The following CCDC187 variants were observed in gnomAD, a reference collection of about 807,000 sequenced individuals.
CCDC187 encodes the protein coiled-coil domain-containing protein 187.
CCDC187 carries 32 observed loss-of-function variants against 38.0 expected under a neutral mutation model. That is an observed-to-expected ratio of 0.84 (90% CI 0.64 to 1.13). CCDC187 has a LOEUF of 1.13. Among genes scored for constraint, CCDC187 ranks in the 50% most tolerant of loss-of-function variants. The probability of loss-of-function intolerance (pLI) is 0.00; values close to 1 mark genes in which losing one functional copy is unlikely to be tolerated. For synonymous variants in CCDC187, 333 were observed against 347.9 expected (o/e 0.96, Z 0.48); for missense variants, 707 against 786.8 (o/e 0.90, Z 1.21).
At chr9:136,263,133 G>T (rs1398803287) in intron 18 of CCDC187, among the ~76,000 whole-genome samples, 1 of 151,116 alleles carries the variant, frequency 6.6e-6, no homozygotes, top group Non-Finnish European at 1.5e-5. Flanking sequence ...GCCTGGCCAG[G>T]ACCACCCCAT....
At chr9:136,255,570 A>C (rs1830601578) in intron 25 of CCDC187, 87 bp downstream of exon 25, 2 of 533,560 alleles carry the variant, frequency 3.7e-6, no homozygotes, top group Non-Finnish European at 4.8e-6. Flanking sequence ...TATTGTGGGG[A>C]GAAGCTGGCT....
In CCDC187 at chr9:136,263,687, G is replaced by A; in HGVS notation, c.3847C>T (p.Pro1283Ser). The change falls in exon 18 of 26, where the codon CCC becomes TCC. Residue 1283 changes from proline to serine, a missense_variant. Pro to Ser is a moderately conservative substitution (Grantham distance 74). Transcript: ENST00000638797. ...ACGACGTCCGTGGGCCCCGGGATGG[G>A]GAGGATGTCCACAGGCCCCGGCATG... ...VSMPGPVDILPIPGPTDVVPA... is the reference protein window; with the variant it reads ...VSMPGPVDILSIPGPTDVVPA... 1.0e-6 allele frequency: 1 copy of A among 985,446 alleles called. No homozygotes were observed. The highest frequency in any genetic ancestry group is 1.2e-6 in the Non-Finnish European group (1 of 829,920). The allele number at this position is 985,446 out of a possible 1,614,324, so 61.0% of individuals were successfully genotyped here.
At position 136,264,448 on chromosome 9, in the gene CCDC187, C is replaced by T. The variant is rs782510047; in HGVS notation, c.3736-650G>A. Among the ~76,000 whole-genome samples, 16 of 152,186 alleles carry T rather than the reference C, an allele frequency of 1.1e-4. No individual in the cohort carries two copies. Among genetic ancestry groups the T allele is most frequent in the South Asian group, 6.2e-4 (3 of 4,824 alleles). On this transcript the variant is annotated intron_variant, in intron 17 of 25. Transcript: ENST00000638797. The surrounding 1 kb of genome is among the most constrained non-coding windows in gnomAD (Gnocchi z 4.3). ...GGGCAGCGCCTGTTCTGCCAGGCCC[C>T]GTCGTTGCCATGTGACATGCAGACC...
Position 136,259,302 on chromosome 9 carries a change from G to A in CCDC187, c.4296+61C>T, listed in dbSNP as rs72775715. 319 of 539,720 alleles carry A rather than the reference G, an allele frequency of 5.9e-4. 6 individuals are homozygous for A. The highest frequency in any genetic ancestry group is 6.3e-4 in the Non-Finnish European group (271 of 429,016). The allele number at this position is 539,720 out of a possible 1,614,324, so 33.4% of individuals were successfully genotyped here. ...CAAGTCACAGATTGGCAGAATGTTG[G>A]GGGGGGGTGGTCCCTGAAACAGGCG... is the stretch of plus-strand genomic sequence containing the variant. On this transcript the variant is annotated intron_variant, in intron 21 of 25. Coordinates refer to ENST00000638797, the MANE Select transcript of CCDC187 (RefSeq NM_001378188.1).
rs1360353111 is a variant in CCDC187 at position 136,267,704 on chromosome 9, G to C, written c.3520-193C>G. On this transcript the variant is annotated intron_variant, in intron 15 of 25. Transcript: ENST00000638797. ...CTATGCCGCCCTCGCTTCCCCGACTGTGAGCTGGCGGGGCAGGCAGGATCT... is the reference window on the plus strand; with the variant it reads ...CTATGCCGCCCTCGCTTCCCCGACTCTGAGCTGGCGGGGCAGGCAGGATCT... The C allele has an allele frequency of 3.3e-6, 3 of 909,788 alleles. No homozygotes were observed. In the East Asian group the frequency reaches 3.6e-4, roughly 108 times the overall value. The allele number at this position is 909,788 out of a possible 1,614,324, so 56.4% of individuals were successfully genotyped here. A position where few individuals can be genotyped will look rare whatever the true frequency, so the allele number is the denominator to read the frequency against.
At chr9:136,306,658 C>T (rs1361021657), upstream of CCDC187, among the ~76,000 whole-genome samples, 5 of 152,172 alleles carry the variant, frequency 3.3e-5, no homozygotes, top group African/African-American at 1.2e-4. Flanking sequence ...GTCAGAAGGC[C>T]GGGCGTGCCA....
intron 15 of CCDC187, 51 bp from the exon 16 acceptor site, chr9:136,267,562 C>T (rs952625136): frequency 6.1e-6 from 6 of 985,450 alleles, no homozygotes; most frequent in South Asian, 4.7e-5. Flanking sequence ...TCGGTGCTTC[C>T]GGGCCTCGCG....
At chr9:136,292,447 G>C in intron 4 of CCDC187, among the ~76,000 whole-genome samples, 152 bp from the exon 5 acceptor site, 1 of 152,330 alleles carries the variant, frequency 6.6e-6, no homozygotes, top group East Asian at 1.9e-4. Context: ...CCAGGCCCCT[G>C]TTGGGCAGAG....
intron 14 of CCDC187, among the ~76,000 whole-genome samples, chr9:136,272,705 GAAAAAA>G (rs77179967): frequency 1.5e-5 from 2 of 132,472 alleles, no homozygotes; most frequent in African/African-American, 5.4e-5. Context: ...TCTGTCTCAA[GAAAAAA>G]AAAAAAACAA....
chr9:136,296,857 C>T (rs917856662), intron 4 of CCDC187, among the ~76,000 whole-genome samples: 1 of 152,174 alleles, frequency 6.6e-6, no homozygotes, highest in African/African-American at 2.4e-5. Context: ...ACTGGACTCT[C>T]CGGGAAACAC....
rs1831278253 is a variant in CCDC187, at chr9:136,290,002, CTT to C, written c.2177_2178del (p.Lys726SerfsTer28). On this transcript the variant is annotated frameshift_variant, in exon 7 of 26. Coordinates refer to ENST00000638797, the MANE Select transcript of CCDC187 (RefSeq NM_001378188.1). LOFTEE classifies it high-confidence loss of function. ...CCCCCCAGCACCATGCCAGAGGTCA[CTT>C]TGCTCCATTCCAGCACTGGGGACTC... ...SLESPVLEWSKVTSGMVLGGQ... is the reference protein window; with the variant it reads ...SLESPVLEWSXVTSGMVLGGQ... The C allele has an allele frequency of 2.5e-6, 1 of 398,568 alleles. No individual in the cohort carries two copies. Among genetic ancestry groups the C allele is most frequent in the Non-Finnish European group, 4.4e-6 (1 of 226,148 alleles). The allele number at this position is 398,568 out of a possible 1,614,324, so 24.7% of individuals were successfully genotyped here. A position where few individuals can be genotyped will look rare whatever the true frequency, so the allele number is the denominator to read the frequency against.
In CCDC187 at chr9:136,279,821, C is replaced by T. The variant is rs957314855; in HGVS notation, c.3040+1730G>A. ...ATGAGGCGGCAATTCAGCCACAAGG[C>T]GATTCAGCCATGAGGGTTCCACCCT... is the stretch of plus-strand genomic sequence containing the variant. On this transcript the variant is annotated intron_variant, in intron 10 of 25. Coordinates refer to ENST00000638797, the MANE Select transcript of CCDC187 (RefSeq NM_001378188.1). 3.9e-3 allele frequency among the ~76,000 whole-genome samples: 592 copies of T among 152,354 alleles called. 13 individuals are homozygous for T. Among genetic ancestry groups the T allele is most frequent in the Admixed American group, 0.027 (412 of 15,306 alleles).
chr9:136,268,722 T>C (rs1830790186), intron 14 of CCDC187, among the ~76,000 whole-genome samples: 1 of 152,240 alleles, frequency 6.6e-6, no homozygotes, highest in Non-Finnish European at 1.5e-5. Flanking sequence ...TATAGAGATA[T>C]GTGTGTGTAT....
intron 2 of CCDC187, among the ~76,000 whole-genome samples, chr9:136,301,108 A>G (rs1564329044): frequency 6.6e-6 from 1 of 152,282 alleles, no homozygotes; most frequent in East Asian, 1.9e-4. Flanking sequence ...ACCACGTAGC[A>G]CCAGGAAGGA....
Position 136,291,620 on chromosome 9 carries a change from G to A in CCDC187, c.993C>T (p.Ala331=). The A allele has an allele frequency of 2.5e-6, 1 of 398,818 alleles. No individual in the cohort carries two copies. The highest frequency in any genetic ancestry group is 4.4e-6 in the Non-Finnish European group (1 of 226,160). The allele number at this position is 398,818 out of a possible 1,614,324, so 24.7% of individuals were successfully genotyped here. A position where few individuals can be genotyped will look rare whatever the true frequency, so the allele number is the denominator to read the frequency against. Residue 331 remains alanine (A), a synonymous_variant, in exon 6 of 26, where the codon GCC becomes GCT. Transcript: ENST00000638797. ...ACTGGGCACAAACCGGTGAGCACTT[G>A]GCAGCTATGACTTTCTCGCTGTCTC... ...DLGDSEKVIA[A]KCSPVCAQLP...
In CCDC187 at chr9:136,285,580, C is replaced by T. The variant is rs1831159584; in HGVS notation, c.2860G>A (p.Val954Met). Residue 954 changes from valine to methionine, a missense_variant, in exon 9 of 26, where the codon GTG becomes ATG. Transcript: ENST00000638797. ...RGFPEEGHVDVKPDKRLQRGV... is the reference protein window; with the variant it reads ...RGFPEEGHVDMKPDKRLQRGV... ...CTCTGCAGCCTTTTGTCTGGTTTCACGTCCACGTGTCCCTCCTCTGGAAAA... is the reference window on the plus strand; with the variant it reads ...CTCTGCAGCCTTTTGTCTGGTTTCATGTCCACGTGTCCCTCCTCTGGAAAA... 5.0e-6 allele frequency: 2 copies of T among 400,616 alleles called. No individual in the cohort carries two copies. The highest frequency in any genetic ancestry group is 3.6e-5 in the East Asian group (1 of 28,100). The allele number at this position is 400,616 out of a possible 1,614,324, so 24.8% of individuals were successfully genotyped here.
At chr9:136,279,589 C>T (rs1221621755) in intron 10 of CCDC187, among the ~76,000 whole-genome samples, 1 of 152,266 alleles carries the variant, frequency 6.6e-6, no homozygotes, top group East Asian at 1.9e-4. Context: ...CTGTGACTCA[C>T]AGCAGCCAGC....
upstream of CCDC187, among the ~76,000 whole-genome samples, chr9:136,305,496 C>G (rs991900576): frequency 1.3e-5 from 2 of 152,304 alleles, no homozygotes; most frequent in East Asian, 3.9e-4. Flanking sequence ...GCCTGGCCCC[C>G]CTGCTGACGG....
chr9:136,286,741 C>T (rs1370416565), intron 7 of CCDC187, 46 bp from the exon 8 acceptor site: 3 of 398,452 alleles, frequency 7.5e-6, no homozygotes, highest in Non-Finnish European at 8.8e-6. Context: ...CTCGGTCGCC[C>T]CAGCAGGGCA....
Sources: allele counts gnomAD v4.1 joint callset (sites outside exome capture counted in the v4.1 genomes callset), GRCh38; gene constraint gnomAD v4.1.1; non-coding constraint Gnocchi (gnomAD v3.1); transcripts MANE v1.5; gene names NCBI Gene and HGNC (gene_info 2026-07-23, HGNC 2026-07-21).